Variants in MAP2 observed in about 807,000 individuals in gnomAD.
The protein encoded by MAP2 is microtubule associated protein 2.
MAP2 carries 14 observed loss-of-function variants against 137.6 expected under a neutral mutation model. The ratio of observed to expected loss-of-function variants is 0.10; its 90% CI spans 0.07 to 0.16. The LOEUF (loss-of-function observed/expected upper bound fraction) is 0.16, where lower values mean the gene tolerates loss of function less well. Among genes scored for constraint, MAP2 ranks in the 10% least tolerant of loss-of-function variants. The pLI is 1.00. For missense variants in MAP2, 2,088 were observed against 2,191.5 expected (o/e 0.95, Z 0.94); for synonymous variants, 786 against 782.3 (o/e 1.00, Z -0.08).
chr2:209,666,013 A>G, intron 5 of MAP2, among the ~76,000 whole-genome samples: 1 of 152,192 alleles, frequency 6.6e-6, no homozygotes, highest in Admixed American at 6.5e-5. Flanking sequence ...CTTTTAAAAA[A>G]TCAATTCACT....
At chr2:209,611,418 A>G (rs1042587736) in intron 3 of MAP2, among the ~76,000 whole-genome samples, 1 of 152,022 alleles carries the variant, frequency 6.6e-6, no homozygotes, top group Non-Finnish European at 1.5e-5. Flanking sequence ...TGAAAAAACA[A>G]ATTTATACAA....
chr2:209,439,448 A>G (rs9288408), intron 1 of MAP2, among the ~76,000 whole-genome samples: 33,488 of 151,454 alleles, frequency 0.22, 4,399 homozygotes, highest in South Asian at 0.3. Context: ...AGTTGAAACT[A>G]AACTATGACT....
rs751480672 is a variant in MAP2 at position 209,694,714 on chromosome 2, C to T, written c.2544C>T (p.Pro848=). ...TTGAGGATAGTCGTACTGGCTTGCC[C>T]CCGGTAACTGATGAAAACCATGTCA... ...TVVEDSRTGL[P]PVTDENHVIV... Residue 848 remains proline (P), a synonymous_variant, in exon 8 of 16, where the codon CCC becomes CCT. Coordinates refer to ENST00000682079, the MANE Select transcript of MAP2 (RefSeq NM_001375505.1). 4.5e-5 allele frequency: 72 copies of T among 1,613,956 alleles called. 1 individual carries two copies. The highest frequency in any genetic ancestry group is 3.3e-4 in the Middle Eastern group (2 of 6,084).
At chr2:209,429,785 A>G (rs1391862368) in intron 1 of MAP2, among the ~76,000 whole-genome samples, 1 of 152,162 alleles carries the variant, frequency 6.6e-6, no homozygotes, top group African/African-American at 2.4e-5. Context: ...TTAGGTGGCT[A>G]CTACCTTTGC....
intron 1 of MAP2, among the ~76,000 whole-genome samples, chr2:209,455,115 C>T (rs1310323924): frequency 6.6e-6 from 1 of 152,124 alleles, no homozygotes; most frequent in African/African-American, 2.4e-5. Flanking sequence ...CAGTTACCTC[C>T]GAAAGGCCCC....
rs749183996 is a variant in MAP2 at position 209,540,630 on chromosome 2, C to CAAAAAAAAAAAAAAA, written c.-172+33007_-172+33021dup. 1.1e-3 allele frequency among the ~76,000 whole-genome samples: 31 copies of CAAAAAAAAAAAAAAA among 27,588 alleles called. 1 individual carries two copies. The highest frequency in any genetic ancestry group is 2.4e-3 in the East Asian group (1 of 414). 18.1% of individuals were successfully genotyped at this position (27,588 alleles called of 152,430 possible). ...TGCGTGACTGAGTGAGACTCCGTCT[C>CAAAAAAAAAAAAAAA]AAAAAAAAAAAAAAAAAAAAAAAAA... is the stretch of plus-strand genomic sequence containing the variant. On this transcript the variant is annotated intron_variant, in intron 2 of 15. Transcript: ENST00000682079.
intron 2 of MAP2, among the ~76,000 whole-genome samples, chr2:209,526,870 T>C (rs2064143877): frequency 6.6e-6 from 1 of 152,054 alleles, no homozygotes; most frequent in African/African-American, 2.4e-5. Flanking sequence ...TTTCCTAAGC[T>C]TGATCATCCA....
intron 4 of MAP2, among the ~76,000 whole-genome samples, chr2:209,625,950 G>T (rs1176124983): frequency 6.6e-6 from 1 of 151,756 alleles, no homozygotes; most frequent in Non-Finnish European, 1.5e-5. Context: ...TAAAATTATG[G>T]AAAGATTATA....
chr2:209,703,012 T>C (rs1355937239), intron 11 of MAP2, among the ~76,000 whole-genome samples: 1 of 152,126 alleles, frequency 6.6e-6, no homozygotes, highest in Admixed American at 6.6e-5. Context: ...CTGGCATAGC[T>C]TTCTCCAAAA....
intron 1 of MAP2, among the ~76,000 whole-genome samples, chr2:209,460,406 A>G (rs939534428): frequency 6.6e-6 from 1 of 152,184 alleles, no homozygotes; most frequent in Non-Finnish European, 1.5e-5. Flanking sequence ...TAAGGTAGAC[A>G]CTGGCCCTAG....
chr2:209,621,206 CAG>C (rs1286101603), intron 3 of MAP2, among the ~76,000 whole-genome samples: 2 of 149,134 alleles, frequency 1.3e-5, no homozygotes, highest in Non-Finnish European at 3.0e-5. Flanking sequence ...CAAAGAAAGA[CAG>C]AAAGACAGAA....
Position 209,695,892 on chromosome 2 carries a change from C to T in MAP2, c.3722C>T (p.Ala1241Val). The change falls in exon 8 of 16, where the codon GCC becomes GTC. Residue 1241 changes from alanine (A) to valine (V), a missense_variant. Transcript: ENST00000682079. ...CAGAGTGAGGAAGAAGAGATAGAAGCCCAGGGAGAATATGATAAACTGCTC... is the reference window on the plus strand; with the variant it reads ...CAGAGTGAGGAAGAAGAGATAGAAGTCCAGGGAGAATATGATAAACTGCTC... ...EIQSEEEEIEAQGEYDKLLFR... is the reference protein window; with the variant it reads ...EIQSEEEEIEVQGEYDKLLFR... 6.2e-7 allele frequency: 1 copy of T among 1,614,008 alleles called. No homozygotes were observed. Among genetic ancestry groups the T allele is most frequent in the East Asian group, 2.2e-5 (1 of 44,848 alleles).
chr2:209,606,349 T>C (rs2084747478), intron 3 of MAP2, among the ~76,000 whole-genome samples: 1 of 152,178 alleles, frequency 6.6e-6, no homozygotes, highest in Non-Finnish European at 1.5e-5. Flanking sequence ...ATGTTTCCTC[T>C]TGGTATTAAC....
At chr2:209,451,435 T>A (rs1169215445) in intron 1 of MAP2, among the ~76,000 whole-genome samples, 1 of 152,172 alleles carries the variant, frequency 6.6e-6, no homozygotes, top group Non-Finnish European at 1.5e-5. Context: ...ATTCCCACAG[T>A]GTCTGTGCCT....
chr2:209,706,093 T>G (rs941078373), intron 12 of MAP2, among the ~76,000 whole-genome samples: 2 of 152,186 alleles, frequency 1.3e-5, no homozygotes, highest in African/African-American at 4.8e-5. Flanking sequence ...GCTTAACACT[T>G]ATTAGATTTC....
intron 11 of MAP2, among the ~76,000 whole-genome samples, chr2:209,703,726 C>CT (rs2062454831): frequency 1.3e-5 from 2 of 152,004 alleles, no homozygotes; most frequent in Admixed American, 1.3e-4. Context: ...TTTCACAAAG[C>CT]TAATTCCTTC....
intron 1 of MAP2, among the ~76,000 whole-genome samples, chr2:209,459,535 C>T (rs575370183): frequency 6.6e-6 from 1 of 152,206 alleles, no homozygotes; most frequent in South Asian, 2.1e-4. Flanking sequence ...TGCATCATCC[C>T]ATTCTGCCCT....
At chr2:209,697,930 C>T (rs1044207642) in intron 10 of MAP2, among the ~76,000 whole-genome samples, 1 of 152,146 alleles carries the variant, frequency 6.6e-6, no homozygotes, top group East Asian at 1.9e-4. Context: ...CTCACTGAAA[C>T]CTCCACCTCC....
At chr2:209,592,869 T>A (rs2079637549) in intron 3 of MAP2, among the ~76,000 whole-genome samples, 1 of 152,164 alleles carries the variant, frequency 6.6e-6, no homozygotes, top group Non-Finnish European at 1.5e-5. Flanking sequence ...CTCTGTTCTG[T>A]GCTTAGGGTA....
Sources: allele counts gnomAD v4.1 joint callset (sites outside exome capture counted in the v4.1 genomes callset), GRCh38; gene constraint gnomAD v4.1.1; transcripts MANE v1.5; gene names NCBI Gene and HGNC (gene_info 2026-07-23, HGNC 2026-07-21).